The following PPOX variants were observed in gnomAD, a reference collection of about 807,000 sequenced individuals.
PPOX encodes protoporphyrinogen oxidase.
A neutral mutation model predicts 54.1 loss-of-function variants in PPOX; 23 were observed. The observed-to-expected ratio is 0.43, with a 90% CI of 0.31 to 0.60. The LOEUF (loss-of-function observed/expected upper bound fraction) is 0.60. Ranked by LOEUF, PPOX falls within the 20% of genes least tolerant of loss-of-function variation. The pLI is 0.13. For synonymous variants in PPOX, 224 were observed against 236.1 expected (o/e 0.95, Z 0.47); for missense variants, 512 against 601.1 (o/e 0.85, Z 1.55).
downstream of PPOX, chr1:161,176,004 C>A: frequency 6.2e-7 from 1 of 1,614,102 alleles, no homozygotes; most frequent in Non-Finnish European, 8.5e-7. Flanking sequence ...TGACAGCCAG[C>A]TGGGAGCCCA....
Position 161,166,563 on chromosome 1 carries a change from C to G in PPOX, c.-118C>G. The G allele has an allele frequency of 1.4e-6, 2 of 1,401,528 alleles. No homozygotes were observed. Among genetic ancestry groups the G allele is most frequent in the South Asian group, 1.5e-5 (1 of 66,016 alleles). 86.8% of individuals were successfully genotyped at this position (1,401,528 alleles called of 1,614,324 possible). A position where few individuals can be genotyped will look rare whatever the true frequency, so the allele number is the denominator to read the frequency against. The stretch of plus-strand genomic sequence containing the variant: ...CCCGCCGCCCGAGCCCTGCGAGGGC[C>G]GATAGCGAGGGTGTGGCCCTTATCT... On this transcript the variant is annotated 5_prime_UTR_variant, in exon 1 of 13. Transcript: ENST00000367999.
chr1:161,172,939 C>G (rs1409275621), downstream of PPOX, among the ~76,000 whole-genome samples: 1 of 150,080 alleles, frequency 6.7e-6, no homozygotes, highest in African/African-American at 2.5e-5. Flanking sequence ...TTAAAAGAAA[C>G]AAACTCCACT....
downstream of PPOX, chr1:161,173,957 G>A (rs187580965): frequency 1.8e-4 from 295 of 1,614,132 alleles, no homozygotes; most frequent in African/African-American, 5.5e-4. Flanking sequence ...GGTCCACATC[G>A]TGCAAGAACA....
downstream of PPOX, chr1:161,172,194 A>G: frequency 5.6e-6 from 9 of 1,612,836 alleles, no homozygotes; most frequent in Non-Finnish European, 7.6e-6. Context: ...AGGATCCAGT[A>G]ACAATTCCCA....
chr1:161,175,738 C>T (rs1476574496), downstream of PPOX: 3 of 1,579,494 alleles, frequency 1.9e-6, no homozygotes, highest in Non-Finnish European at 2.6e-6. Context: ...CTCCATGCCT[C>T]CCTATCCCCA....
downstream of PPOX, chr1:161,173,532 A>G (rs1439313623): frequency 1.1e-5 from 17 of 1,604,140 alleles, 1 homozygote; most frequent in Admixed American, 6.7e-5. Flanking sequence ...TTGAAGGGCT[A>G]TGGTCAAAGG....
At chr1:161,176,643 A>G (rs1365662622) in intron 4 of PPOX, 2 of 586,762 alleles carry the variant, frequency 3.4e-6, no homozygotes, top group Admixed American at 3.0e-5. Flanking sequence ...ATCAGGGTGA[A>G]GCTGGTTTCC....
chr1:161,176,940 C>T, exon 5 of PPOX: 1 of 1,536,210 alleles, frequency 6.5e-7, no homozygotes, highest in South Asian at 1.2e-5. Flanking sequence ...CAGGCTCCTT[C>T]TATTCTTCAT....
chr1:161,171,713 T>A, downstream of PPOX: 1 of 1,485,988 alleles, frequency 6.7e-7, no homozygotes. Context: ...GGCACCAGAG[T>A]TCAGTTCCCT....
Position 161,171,065 on chromosome 1 carries a change from G to A in PPOX, c.1323G>A (p.Arg441=), listed in dbSNP as rs745529881. The A allele has an allele frequency of 1.1e-5, 18 of 1,614,046 alleles. No individual in the cohort carries two copies. In the South Asian group the frequency reaches 1.9e-4, roughly 17 times the overall value. The change falls in exon 13 of 13, where the codon AGG becomes AGA. Residue 441 remains arginine (R), a synonymous_variant. Transcript: ENST00000367999. ...CTAGGCAATTCCTGACTGCTCACAG[G>A]TTGCCCCTGACTCTGGCTGGAGCCT... The part of the protein sequence containing the change: ...ESARQFLTAH[R]LPLTLAGASY...
At chr1:161,167,582 TTTG>T in intron 4 of PPOX, 96 bp downstream of exon 4, 1 of 1,302,554 alleles carries the variant, frequency 7.7e-7, no homozygotes, top group Non-Finnish European at 1.0e-6. Flanking sequence ...TTTTTTTTTT[TTTG>T]AGACGGAGTA....
At chr1:161,171,931 C>G (rs746359457), downstream of PPOX, 6 of 1,614,138 alleles carry the variant, frequency 3.7e-6, no homozygotes, top group Admixed American at 1.0e-4. Flanking sequence ...AGGTGGGTAA[C>G]GTGGCCCAGA....
chr1:161,166,731 T>G, intron 1 of PPOX, 59 bp downstream of exon 1: 1 of 1,553,100 alleles, frequency 6.4e-7, no homozygotes, highest in African/African-American at 1.4e-5. Context: ...CGTGCACACT[T>G]AGTTTCCCCT....
chr1:161,167,770 G>A, intron 4 of PPOX: 2 of 730,360 alleles, frequency 2.7e-6, no homozygotes, highest in Non-Finnish European at 4.4e-6. Flanking sequence ...TCACCATATT[G>A]GCCAGGCTGG....
At chr1:161,168,342 TC>T (rs1475554224) in intron 5 of PPOX, 89 bp from the exon 6 acceptor site, 1 of 1,588,650 alleles carries the variant, frequency 6.3e-7, no homozygotes, top group Non-Finnish European at 8.6e-7. Context: ...CCAAACCCTA[TC>T]CCACCCTCAT....
downstream of PPOX, chr1:161,177,258 C>T: frequency 1.6e-6 from 1 of 622,958 alleles, no homozygotes; most frequent in Admixed American, 3.0e-5. Flanking sequence ...TGCTTTTGCC[C>T]TACCTACTAG....
At chr1:161,171,799 T>C (rs1661526713), downstream of PPOX, 1 of 1,613,074 alleles carries the variant, frequency 6.2e-7, no homozygotes, top group Non-Finnish European at 8.5e-7. Context: ...ATGATTAAGG[T>C]AGACAGGAAG....
At chr1:161,167,572 T>C in intron 4 of PPOX, 86 bp downstream of exon 4, 3 of 1,403,828 alleles carry the variant, frequency 2.1e-6, no homozygotes, top group Non-Finnish European at 9.4e-7. Context: ...TTTTTTTTTT[T>C]TTTTTTTTTT....
At chr1:161,176,118 C>A, downstream of PPOX, 1 of 1,600,328 alleles carries the variant, frequency 6.2e-7, no homozygotes, top group Non-Finnish European at 8.5e-7. Context: ...AGGAAGAGAG[C>A]AAGCCAGCAG....
Sources: allele counts gnomAD v4.1 joint callset (sites outside exome capture counted in the v4.1 genomes callset), GRCh38; gene constraint gnomAD v4.1.1; transcripts MANE v1.5; gene names NCBI Gene and HGNC (gene_info 2026-07-23, HGNC 2026-07-21).